Variants in SERINC5 observed in about 807,000 individuals in gnomAD.
The protein encoded by SERINC5 is serine incorporator 5.
Under a neutral mutation model 63.1 loss-of-function variants are expected in SERINC5, and 41 were observed. That is an observed-to-expected ratio of 0.65 (90% CI 0.51 to 0.84). The LOEUF is 0.84. SERINC5 is among the 40% of genes least tolerant of loss of function. The pLI is 0.00. For missense variants in SERINC5, 523 were observed against 573.0 expected (o/e 0.91, Z 0.89); for synonymous variants, 222 against 215.2 (o/e 1.03, Z -0.28).
intron 8 of SERINC5, among the ~76,000 whole-genome samples, chr5:80,154,246 G>A (rs3763033): frequency 0.079 from 12,019 of 151,894 alleles, 516 homozygotes; most frequent in East Asian, 0.13. Context: ...ATGGCTCGAT[G>A]TCGGCTCACC....
chr5:80,253,752 T>A (rs543920757), intron 1 of SERINC5, among the ~76,000 whole-genome samples: 68 of 152,246 alleles, frequency 4.5e-4, no homozygotes, highest in African/African-American at 1.5e-3. Flanking sequence ...CAGTACCATA[T>A]TCATTGTTTC....
intron 1 of SERINC5, among the ~76,000 whole-genome samples, chr5:80,209,186 G>A (rs1358770545): frequency 1.3e-5 from 2 of 152,170 alleles, no homozygotes; most frequent in South Asian, 2.1e-4. Flanking sequence ...CACGAGAATC[G>A]CTTGAACCCG....
Position 80,166,455 on chromosome 5 carries a change from G to T in SERINC5, c.787C>A (p.Gln263Lys). 2 of 1,593,396 alleles carry T rather than the reference G, an allele frequency of 1.3e-6. No individual in the cohort carries two copies. The highest frequency in any genetic ancestry group is 1.1e-5 in the South Asian group (1 of 87,208). ...ACATAGCAGCTTATGACCCCTGATTGTAAGAGCCCCGAGTGTGGCTGTCCT... is the reference window on the plus strand; with the variant it reads ...ACATAGCAGCTTATGACCCCTGATTTTAAGAGCCCCGAGTGTGGCTGTCCT... ...QNRQPHSGLL[Q>K]SGVISCYVTY... Residue 263 changes from glutamine to lysine, a missense_variant, in exon 7 of 12, where the codon CAA (glutamine) becomes AAA (lysine). Physicochemically the swap from Gln to Lys is moderately conservative, Grantham distance 53 (BLOSUM62 1). Coordinates refer to ENST00000507668, the MANE Select transcript of SERINC5 (RefSeq NM_001174072.3).
At chr5:80,179,852 A>C (rs774322833) in intron 2 of SERINC5, among the ~76,000 whole-genome samples, 5 of 152,246 alleles carry the variant, frequency 3.3e-5, no homozygotes, top group African/African-American at 4.8e-5. Context: ...GATGAGTTAA[A>C]TCATACTTTC....
Position 80,202,838 on chromosome 5 carries a change from C to T in SERINC5, c.195+48G>A, listed in dbSNP as rs778707711. 3.9e-6 allele frequency: 6 copies of T among 1,554,992 alleles called. No homozygotes were observed. In the Admixed American group the frequency reaches 5.2e-5, roughly 14 times the overall value. ...TCTAAATCATGTTTTTCCCACACAC[C>T]CTCATCAAACATCGGAAATAGGACG... On this transcript the variant is annotated intron_variant, in intron 2 of 11. Coordinates refer to ENST00000507668, the MANE Select transcript of SERINC5 (RefSeq NM_001174072.3).
chr5:80,230,642 C>G (rs968349438), intron 1 of SERINC5, among the ~76,000 whole-genome samples: 5 of 152,130 alleles, frequency 3.3e-5, no homozygotes, highest in African/African-American at 9.7e-5. Context: ...ACAATCTCTC[C>G]CAACCTGTCA....
downstream of SERINC5, among the ~76,000 whole-genome samples, chr5:80,134,020 T>C (rs1745053431): frequency 6.6e-6 from 1 of 152,198 alleles, no homozygotes; most frequent in Non-Finnish European, 1.5e-5. Context: ...ATACCTGTTA[T>C]CTGGAGGAGC....
At chr5:80,177,420 G>A (rs776751633) in intron 3 of SERINC5, 23 bp from the exon 4 acceptor site, 15 of 1,575,858 alleles carry the variant, frequency 9.5e-6, no homozygotes, top group African/African-American at 2.7e-5. Context: ...GGAAAAAAAA[G>A]AGGAAATGTA....
In SERINC5 at chr5:80,139,774, T is replaced by C. The variant is rs1745390647; in HGVS notation, c.*3889A>G. On this transcript the variant is annotated 3_prime_UTR_variant, in exon 12 of 12. Transcript: ENST00000507668. ...AGCCAAGTGGCTACTGCATTGTCCC[T>C]GAAGAAGGAGGGCCCAGTGTTCTTT... The C allele has an allele frequency of 1.0e-6, 1 of 985,478 alleles. No individual in the cohort carries two copies. Among genetic ancestry groups the C allele is most frequent in the Non-Finnish European group, 1.2e-6 (1 of 829,948 alleles). 61.0% of individuals were successfully genotyped at this position (985,478 alleles called of 1,614,324 possible). A position where few individuals can be genotyped will look rare whatever the true frequency, so the allele number is the denominator to read the frequency against.
chr5:80,241,148 A>G (rs1030925521), intron 1 of SERINC5, among the ~76,000 whole-genome samples: 7 of 152,122 alleles, frequency 4.6e-5, no homozygotes, highest in Non-Finnish European at 8.8e-5. Flanking sequence ...AAGGTGCTAC[A>G]TACTATAATC....
At chr5:80,216,675 G>A (rs1750680141) in intron 1 of SERINC5, among the ~76,000 whole-genome samples, 1 of 152,066 alleles carries the variant, frequency 6.6e-6, no homozygotes, top group Non-Finnish European at 1.5e-5. Context: ...AGGAGACTGG[G>A]AGAAAACAAA....
downstream of SERINC5, among the ~76,000 whole-genome samples, chr5:80,136,040 G>A (rs886313629): frequency 8.5e-5 from 13 of 152,090 alleles, no homozygotes; most frequent in Admixed American, 6.6e-4. Flanking sequence ...AATGTTCTAT[G>A]CACTTCCTAC....
At chr5:80,254,940 T>C (rs1167789272) in intron 1 of SERINC5, 1 of 152,258 alleles carries the variant, frequency 6.6e-6, no homozygotes, top group Non-Finnish European at 1.5e-5. Flanking sequence ...GTGGAAAGGC[T>C]GAGTGTCAGC....
At chr5:80,127,647 T>C (rs1280135641) in intron 11 of SERINC5, among the ~76,000 whole-genome samples, 2 of 152,094 alleles carry the variant, frequency 1.3e-5, no homozygotes, top group Non-Finnish European at 2.9e-5. Flanking sequence ...TATATTTAAA[T>C]TATATGTTTT....
In SERINC5 at chr5:80,164,160, A is replaced by AT. The variant is rs1747118526; in HGVS notation, c.859+2222dup. Among the ~76,000 whole-genome samples, 5 of 152,070 alleles carry AT rather than the reference A, an allele frequency of 3.3e-5. No individual in the cohort carries two copies. The South Asian group carries it at 1.0e-3, about 32-fold the overall frequency. On this transcript the variant is annotated intron_variant, in intron 7 of 11. Coordinates refer to ENST00000507668, the MANE Select transcript of SERINC5 (RefSeq NM_001174072.3). Reference sequence around the variant, plus strand: ...ATATGGAAGTTCATAATAGTCTGTAATGATCTTTTGTACTTTTGTGGTTAT... The same window carrying AT: ...ATATGGAAGTTCATAATAGTCTGTAATTGATCTTTTGTACTTTTGTGGTTAT...
At chr5:80,220,318 T>C (rs537107622) in intron 1 of SERINC5, among the ~76,000 whole-genome samples, 430 of 152,212 alleles carry the variant, frequency 2.8e-3, no homozygotes, top group Non-Finnish European at 5.4e-3. Flanking sequence ...AGAAGTCTTC[T>C]ATCAGCCCTA....
intron 8 of SERINC5, among the ~76,000 whole-genome samples, chr5:80,152,491 C>CAA (rs199692612): frequency 0.018 from 1,773 of 100,022 alleles, 23 homozygotes; most frequent in Middle Eastern, 0.038. Context: ...GACCCTGTCT[C>CAA]AAAAAAAAAA....
At chr5:80,172,384 G>A (rs774538817) in intron 5 of SERINC5, among the ~76,000 whole-genome samples, 1 of 152,190 alleles carries the variant, frequency 6.6e-6, no homozygotes, top group Admixed American at 6.5e-5. Flanking sequence ...GAAGAGGACA[G>A]AACAGGGAGA....
intron 1 of SERINC5, among the ~76,000 whole-genome samples, chr5:80,238,876 T>C (rs556657685): frequency 1.3e-5 from 2 of 152,196 alleles, no homozygotes; most frequent in South Asian, 2.1e-4. Context: ...GAGCTCTTTG[T>C]TGAACTGCTC....
Sources: gnomAD v4.1 joint callset for allele counts (sites outside exome capture counted in the v4.1 genomes callset) on GRCh38, gnomAD v4.1.1 for gene constraint, MANE v1.5 for transcripts, NCBI Gene and HGNC (gene_info 2026-07-23, HGNC 2026-07-21) for gene names.